XPO7: variants seen among roughly 807,000 people sequenced by gnomAD.
XPO7 encodes the protein exportin 7.
A neutral mutation model predicts 144.3 loss-of-function variants in XPO7; 21 were observed. That is an observed-to-expected ratio of 0.15 (90% CI 0.10 to 0.21). XPO7 has a LOEUF of 0.21. Among genes scored for constraint, XPO7 ranks in the 10% least tolerant of loss-of-function variants. The probability of loss-of-function intolerance (pLI) is 1.00; values close to 1 mark genes in which losing one functional copy is unlikely to be tolerated. For synonymous variants in XPO7, 580 were observed against 499.6 expected (o/e 1.16, Z -2.15); for missense variants, 808 against 1,325.8 (o/e 0.61, Z 6.06).
At chr8:21,991,015 T>C (rs781480225) in intron 18 of XPO7, 96 bp downstream of exon 18, 10 of 1,131,644 alleles carry the variant, frequency 8.8e-6, no homozygotes, top group Non-Finnish European at 1.3e-5. Context: ...AGGCCTTTTC[T>C]GTTTTTTCAA....
intron 20 of XPO7, among the ~76,000 whole-genome samples, chr8:21,994,829 G>T (rs955272263): frequency 1.3e-5 from 2 of 152,062 alleles, no homozygotes; most frequent in African/African-American, 4.8e-5. Flanking sequence ...CGAGGTGGGC[G>T]GATCACGAGG....
At chr8:21,959,216 A>G (rs562294383) in intron 1 of XPO7, among the ~76,000 whole-genome samples, 2 of 152,342 alleles carry the variant, frequency 1.3e-5, no homozygotes, top group African/African-American at 2.4e-5. Context: ...GGGAAAGGGC[A>G]TTTATAATCC....
At position 22,006,390 on chromosome 8, in the gene XPO7, C is replaced by A. The variant is rs545523982; in HGVS notation, c.*1302C>A. 5 of 152,316 alleles carry A rather than the reference C, an allele frequency of 3.3e-5. No individual in the cohort carries two copies. Among genetic ancestry groups the A allele is most frequent in the African/African-American group, 1.2e-4 (5 of 41,556 alleles). The allele number at this position is 152,316 out of a possible 1,614,324, so 9.4% of individuals were successfully genotyped here. ...TAGTTCAGCTCTTGCCCACGGGACA[C>A]TCATCAATTAGGTTTTATTTTTATT... On this transcript the variant is annotated 3_prime_UTR_variant, in exon 28 of 28. Coordinates refer to ENST00000252512, the MANE Select transcript of XPO7 (RefSeq NM_015024.5).
intron 25 of XPO7, 166 bp from the exon 26 acceptor site, chr8:22,003,053 A>G: frequency 2.1e-6 from 1 of 465,882 alleles, no homozygotes; most frequent in East Asian, 3.6e-5. Context: ...AAGAAAAGGT[A>G]ACCTTGAAAT....
At chr8:21,995,059 A>T (rs897457307) in intron 20 of XPO7, among the ~76,000 whole-genome samples, 3 of 141,342 alleles carry the variant, frequency 2.1e-5, no homozygotes, top group Non-Finnish European at 4.5e-5. Flanking sequence ...ATCTCAAAAA[A>T]AAATAAATAA....
At chr8:21,970,544 T>C (rs1002676437) in intron 4 of XPO7, among the ~76,000 whole-genome samples, 3 of 152,194 alleles carry the variant, frequency 2.0e-5, no homozygotes, top group Non-Finnish European at 4.4e-5. Context: ...TTCCTACATA[T>C]GGTCCCAAGC....
At chr8:21,940,588 G>A (rs758615413) in intron 1 of XPO7, among the ~76,000 whole-genome samples, 10 of 151,524 alleles carry the variant, frequency 6.6e-5, no homozygotes, top group Non-Finnish European at 8.8e-5. Flanking sequence ...TCCTGTCTTA[G>A]CCTCCCAGTA....
intron 5 of XPO7, 170 bp downstream of exon 5, chr8:21,972,111 A>G (rs987201607): frequency 5.2e-5 from 28 of 541,190 alleles, no homozygotes; most frequent in African/African-American, 4.8e-4. Context: ...TGTAATTGCA[A>G]CTCACCTCAC....
chr8:21,955,246 C>CT (rs996071423), intron 1 of XPO7, among the ~76,000 whole-genome samples: 2 of 152,048 alleles, frequency 1.3e-5, no homozygotes, highest in African/African-American at 4.8e-5. Context: ...AAACAACTTT[C>CT]TTTTTTATGA....
At chr8:21,989,762 G>C (rs1193022752) in intron 16 of XPO7, among the ~76,000 whole-genome samples, 1 of 140,148 alleles carries the variant, frequency 7.1e-6, no homozygotes, top group Admixed American at 7.7e-5. Flanking sequence ...ATGATTATTT[G>C]GGGAAACTGC....
intron 8 of XPO7, among the ~76,000 whole-genome samples, chr8:21,978,101 C>G (rs1312772899): frequency 6.6e-6 from 1 of 152,164 alleles, no homozygotes; most frequent in African/African-American, 2.4e-5. Flanking sequence ...GTGTATCTGA[C>G]TTTATGCTGT....
In XPO7 at chr8:21,966,846, A is replaced by T. The variant is rs767038647; in HGVS notation, c.19-11A>T. On this transcript the variant is annotated splice_polypyrimidine_tract_variant and intron_variant, in intron 1 of 27. Coordinates refer to ENST00000252512, the MANE Select transcript of XPO7 (RefSeq NM_015024.5). Reference sequence around the variant, plus strand: ...GCTGAACTGTTTTCTTTCCTGACTGATCTTTTCCAGAGCCTGGCCCAACTA... The same window carrying T: ...GCTGAACTGTTTTCTTTCCTGACTGTTCTTTTCCAGAGCCTGGCCCAACTA... 6.2e-7 allele frequency: 1 copy of T among 1,608,328 alleles called. No homozygotes were observed. The highest frequency in any genetic ancestry group is 1.1e-5 in the South Asian group (1 of 90,280).
chr8:21,973,357 G>A lies in XPO7; in HGVS notation c.493-1313G>A, dbSNP rs1301111641. On this transcript the variant is annotated intron_variant, in intron 5 of 27. Coordinates refer to ENST00000252512, the MANE Select transcript of XPO7 (RefSeq NM_015024.5). ...TTCTAAGAAAGTGATGAAATTTTGT[G>A]TAGCATTTAGTGTGTAATCATTCTC... Among the ~76,000 whole-genome samples the A allele has an allele frequency of 3.3e-5, 5 of 152,168 alleles. No individual in the cohort carries two copies. The South Asian group carries it at 6.2e-4, about 19-fold the overall frequency.
intron 1 of XPO7, among the ~76,000 whole-genome samples, chr8:21,933,049 T>A (rs1585418232): frequency 1.3e-5 from 2 of 152,258 alleles, no homozygotes; most frequent in South Asian, 2.1e-4. Flanking sequence ...ATATATCACA[T>A]TCTAAGGTTT....
chr8:21,959,540 C>T (rs1412403843), intron 1 of XPO7, among the ~76,000 whole-genome samples: 2 of 152,156 alleles, frequency 1.3e-5, no homozygotes, highest in Admixed American at 6.5e-5. Flanking sequence ...AACCTTGTTC[C>T]TGCTGCTAGG....
At chr8:21,990,213 A>G in intron 16 of XPO7, 131 bp from the exon 17 acceptor site, 3 of 813,130 alleles carry the variant, frequency 3.7e-6, no homozygotes, top group Admixed American at 2.4e-5. Flanking sequence ...CATATTTGGC[A>G]GTGGTATACT....
At chr8:21,968,683 G>C (rs1253401300) in intron 2 of XPO7, among the ~76,000 whole-genome samples, 1 of 152,128 alleles carries the variant, frequency 6.6e-6, no homozygotes, top group Non-Finnish European at 1.5e-5. Flanking sequence ...ACCATCTTAA[G>C]GACTTTCTGT....
intron 1 of XPO7, among the ~76,000 whole-genome samples, chr8:21,944,527 A>G (rs947615914): frequency 6.6e-6 from 1 of 152,204 alleles, no homozygotes; most frequent in African/African-American, 2.4e-5. Flanking sequence ...AGACCACACC[A>G]CTGTACTCCA....
At chr8:22,001,019 T>G (rs1813124736) in intron 24 of XPO7, among the ~76,000 whole-genome samples, 1 of 152,146 alleles carries the variant, frequency 6.6e-6, no homozygotes, top group Admixed American at 6.5e-5. Flanking sequence ...CTTTTTTATG[T>G]CTTATTGAAA....
Sources: gnomAD v4.1 joint callset for allele counts (sites outside exome capture counted in the v4.1 genomes callset) on GRCh38, gnomAD v4.1.1 for gene constraint, MANE v1.5 for transcripts, NCBI Gene and HGNC (gene_info 2026-07-23, HGNC 2026-07-21) for gene names.